CTNND2: variants seen among roughly 807,000 people sequenced by gnomAD.
CTNND2 encodes catenin delta-2.
Under a neutral mutation model 144.4 loss-of-function variants are expected in CTNND2, and 22 were observed. The ratio of observed to expected loss-of-function variants is 0.15; its 90% CI spans 0.11 to 0.22. The LOEUF (loss-of-function observed/expected upper bound fraction) is 0.22. CTNND2 is among the 10% of genes least tolerant of loss of function. The pLI is 1.00. For missense variants in CTNND2, 1,353 were observed against 1,618.8 expected (o/e 0.84, Z 2.82); for synonymous variants, 751 against 695.6 (o/e 1.08, Z -1.25).
Position 11,030,033 on chromosome 5 carries a change from A to G in CTNND2, c.2789-7054T>C, listed in dbSNP as rs554587690. Among the ~76,000 whole-genome samples the G allele has an allele frequency of 3.7e-5, 5 of 136,834 alleles. No individual in the cohort carries two copies. The South Asian group carries it at 1.1e-3, about 30-fold the overall frequency. The allele number at this position is 136,834 out of a possible 152,430, so 89.8% of individuals were successfully genotyped here. A position where few individuals can be genotyped will look rare whatever the true frequency, so the allele number is the denominator to read the frequency against. ...CTGCTGGACATAGGATTCTTGGCTG[A>G]CAGTTTTTTTTTTCTTTCGGCACCA... On this transcript the variant is annotated intron_variant, in intron 16 of 21. Coordinates refer to ENST00000304623, the MANE Select transcript of CTNND2 (RefSeq NM_001332.4).
intron 2 of CTNND2, among the ~76,000 whole-genome samples, chr5:11,573,949 T>G (rs1276010322): frequency 6.6e-6 from 1 of 152,178 alleles, no homozygotes; most frequent in East Asian, 1.9e-4. Context: ...TCCATGAAAT[T>G]AACAAAGGCT....
At chr5:11,763,073 G>T (rs1789367827) in intron 1 of CTNND2, among the ~76,000 whole-genome samples, 1 of 152,042 alleles carries the variant, frequency 6.6e-6, no homozygotes, top group Non-Finnish European at 1.5e-5. Flanking sequence ...ATGAGACCTG[G>T]TTGTTTAAAA....
intron 1 of CTNND2, among the ~76,000 whole-genome samples, chr5:11,809,757 TG>T (rs1792216736): frequency 1.3e-5 from 2 of 152,154 alleles, no homozygotes; most frequent in African/African-American, 4.8e-5. Flanking sequence ...AAAAAACAAC[TG>T]TAAACACTGA....
At chr5:11,347,049 T>C (rs1754872639) in intron 8 of CTNND2, among the ~76,000 whole-genome samples, 2 of 152,174 alleles carry the variant, frequency 1.3e-5, no homozygotes, top group Admixed American at 6.5e-5. Flanking sequence ...GTAAAATGAA[T>C]TCAGTAATGT....
intron 2 of CTNND2, among the ~76,000 whole-genome samples, chr5:11,622,436 ATG>A (rs995895300): frequency 6.6e-6 from 1 of 152,172 alleles, no homozygotes; most frequent in Non-Finnish European, 1.5e-5. Context: ...CACAATAATA[ATG>A]TAAGTGTTTT....
intron 3 of CTNND2, among the ~76,000 whole-genome samples, chr5:11,448,782 C>T (rs1765061809): frequency 1.3e-5 from 2 of 152,142 alleles, no homozygotes; most frequent in African/African-American, 2.4e-5. Flanking sequence ...GATCCTTCCA[C>T]CTCAGCCTCC....
intron 10 of CTNND2, among the ~76,000 whole-genome samples, chr5:11,211,568 TG>T (rs974987929): frequency 6.6e-6 from 1 of 152,214 alleles, no homozygotes. Flanking sequence ...TTTGGGGCCT[TG>T]GGCTTTTAAT....
In CTNND2 at chr5:11,166,603, G is replaced by A. The variant is rs979004019; in HGVS notation, c.1976-6844C>T. On this transcript the variant is annotated intron_variant, in intron 11 of 21. Transcript: ENST00000304623. ...TTAGGCTTGGTTGATGGTGGGAGTG[G>A]GAGGGGGAGGGGTATAAAGGGGCTG... 2.6e-5 allele frequency among the ~76,000 whole-genome samples: 4 copies of A among 151,866 alleles called. No individual in the cohort carries two copies. The East Asian group carries it at 7.7e-4, about 29-fold the overall frequency.
At chr5:11,894,675 C>T (rs1278307803) in intron 1 of CTNND2, among the ~76,000 whole-genome samples, 2 of 152,158 alleles carry the variant, frequency 1.3e-5, no homozygotes, top group African/African-American at 4.8e-5. Flanking sequence ...TATCACAGCA[C>T]ATTCAACAAA....
At chr5:11,340,893 G>A (rs373950947) in intron 9 of CTNND2, among the ~76,000 whole-genome samples, 5 of 152,210 alleles carry the variant, frequency 3.3e-5, no homozygotes, top group African/African-American at 7.2e-5. Context: ...ATTAGATAAC[G>A]AATATAAAAT....
chr5:11,638,491 T>C (rs1034479266), intron 2 of CTNND2, among the ~76,000 whole-genome samples: 1 of 152,238 alleles, frequency 6.6e-6, no homozygotes, highest in African/African-American at 2.4e-5. Flanking sequence ...TTTCATTCTC[T>C]GGTTCTAGAA....
chr5:11,663,655 A>G (rs559649389), intron 2 of CTNND2, among the ~76,000 whole-genome samples: 1 of 152,272 alleles, frequency 6.6e-6, no homozygotes, highest in Admixed American at 6.5e-5. Flanking sequence ...TAATAAAGCC[A>G]AACTTTAAAC....
chr5:11,136,471 G>C (rs1426760083), intron 12 of CTNND2, among the ~76,000 whole-genome samples: 3 of 152,134 alleles, frequency 2.0e-5, no homozygotes, highest in Non-Finnish European at 4.4e-5. Flanking sequence ...AATGAAATGG[G>C]GAAAAAGAAC....
chr5:11,674,163 A>ACAC (rs1321846253), intron 2 of CTNND2, among the ~76,000 whole-genome samples: 2 of 152,230 alleles, frequency 1.3e-5, no homozygotes, highest in Non-Finnish European at 2.9e-5. Context: ...AATACAAGAT[A>ACAC]CACCAGTAGA....
At chr5:11,691,017 C>A (rs925164984) in intron 2 of CTNND2, among the ~76,000 whole-genome samples, 1 of 152,010 alleles carries the variant, frequency 6.6e-6, no homozygotes, top group Non-Finnish European at 1.5e-5. Flanking sequence ...TTTTTGCAGT[C>A]CATCTAACAG....
intron 19 of CTNND2, among the ~76,000 whole-genome samples, chr5:10,991,721 T>A (rs182496065): frequency 1.3e-5 from 2 of 152,236 alleles, no homozygotes; most frequent in South Asian, 4.1e-4. Context: ...AAGTTATAGT[T>A]GGCTACGATA....
intron 1 of CTNND2, among the ~76,000 whole-genome samples, chr5:11,877,364 G>C (rs888513846): frequency 3.9e-5 from 6 of 151,912 alleles, no homozygotes; most frequent in African/African-American, 7.2e-5. Context: ...TATATTCTTT[G>C]AGTTTTGCTA....
At chr5:11,845,856 G>T (rs1244644620) in intron 1 of CTNND2, among the ~76,000 whole-genome samples, 1 of 152,120 alleles carries the variant, frequency 6.6e-6, no homozygotes, top group Non-Finnish European at 1.5e-5. Flanking sequence ...TAATGTTTGA[G>T]TCTGTGATAA....
chr5:11,686,655 A>C (rs1784663599), intron 2 of CTNND2, among the ~76,000 whole-genome samples: 1 of 151,848 alleles, frequency 6.6e-6, no homozygotes, highest in Non-Finnish European at 1.5e-5. Flanking sequence ...AATGTAATAA[A>C]TTTCTAAATG....
Sources: allele counts gnomAD v4.1 joint callset (sites outside exome capture counted in the v4.1 genomes callset), GRCh38; gene constraint gnomAD v4.1.1; transcripts MANE v1.5; gene names NCBI Gene and HGNC (gene_info 2026-07-23, HGNC 2026-07-21).